PRKN: variants seen among roughly 807,000 people sequenced by gnomAD.
The protein encoded by PRKN is E3 ubiquitin-protein ligase parkin.
Under a neutral mutation model 59.5 loss-of-function variants are expected in PRKN, and 56 were observed. The observed-to-expected ratio is 0.94, with a 90% CI of 0.76 to 1.18. The LOEUF (loss-of-function observed/expected upper bound fraction) is 1.18, where lower values mean the gene tolerates loss of function less well. Among genes scored for constraint, PRKN ranks in the 50% most tolerant of loss-of-function variants. The pLI is 0.00. For synonymous variants in PRKN, 250 were observed against 222.1 expected (o/e 1.13, Z -1.12); for missense variants, 657 against 596.4 (o/e 1.10, Z -1.06).
chr6:162,421,037 G>A (rs540530365), intron 2 of PRKN, among the ~76,000 whole-genome samples: 2 of 152,288 alleles, frequency 1.3e-5, no homozygotes, highest in Admixed American at 1.3e-4. Flanking sequence ...TCCTCCCTGT[G>A]AGCACAGGCT....
intron 7 of PRKN, among the ~76,000 whole-genome samples, chr6:161,691,344 T>G (rs1785785761): frequency 6.6e-6 from 1 of 151,936 alleles, no homozygotes. Context: ...TCACCCGGGT[T>G]TGCCAGGCTT....
chr6:162,703,500 T>C (rs557826369), intron 1 of PRKN, among the ~76,000 whole-genome samples: 1 of 152,354 alleles, frequency 6.6e-6, no homozygotes, highest in African/African-American at 2.4e-5. Context: ...AGTAGAGCTG[T>C]GCAGTTGAAA....
At chr6:161,366,981 C>T (rs1394478045) in intron 10 of PRKN, among the ~76,000 whole-genome samples, 2 of 126,926 alleles carry the variant, frequency 1.6e-5, no homozygotes, top group Non-Finnish European at 3.3e-5. Flanking sequence ...TTTTTTGTTT[C>T]CTTTTTTTTT....
At position 161,363,431 on chromosome 6, in the gene PRKN, G is replaced by C. The variant is rs57906682; in HGVS notation, c.1168-3226C>G. Among the ~76,000 whole-genome samples, 4,146 of 152,230 alleles carry C rather than the reference G, an allele frequency of 0.027. 206 individuals are homozygous for C. Among genetic ancestry groups the C allele is most frequent in the African/African-American group, 0.095 (3,960 of 41,522 alleles). On this transcript the variant is annotated intron_variant, in intron 10 of 11. Coordinates refer to ENST00000366898, the MANE Select transcript of PRKN (RefSeq NM_004562.3). This position sits in a 1 kb window ranked among gnomAD's most constrained non-coding sequence, Gnocchi z 4.1. Reference sequence around the variant, plus strand: ...TTAAAATTAGAAACTCAGTTGATGAGTTACATAACAAATTAGATACAAATG... The same window carrying C: ...TTAAAATTAGAAACTCAGTTGATGACTTACATAACAAATTAGATACAAATG...
At chr6:161,455,544 C>T (rs564560150) in intron 9 of PRKN, among the ~76,000 whole-genome samples, 153 of 152,164 alleles carry the variant, frequency 1.0e-3, no homozygotes, top group Non-Finnish European at 1.7e-3. Flanking sequence ...AAATCACATC[C>T]GGTCCCTGGT....
intron 2 of PRKN, among the ~76,000 whole-genome samples, chr6:162,366,260 T>G (rs1785431927): frequency 6.6e-6 from 1 of 152,208 alleles, no homozygotes; most frequent in African/African-American, 2.4e-5. Flanking sequence ...TTGAAAATCT[T>G]TTTTATTCTT....
chr6:161,599,987 C>T (rs554828308), intron 7 of PRKN, among the ~76,000 whole-genome samples: 57 of 152,230 alleles, frequency 3.7e-4, no homozygotes, highest in African/African-American at 1.2e-3. Context: ...ATCCCGCACA[C>T]GTGAAAACAC....
chr6:161,791,332 G>A (rs1208374239), intron 6 of PRKN, among the ~76,000 whole-genome samples: 2 of 152,190 alleles, frequency 1.3e-5, no homozygotes. Context: ...CATTAAAAAA[G>A]TAGAATATGG....
At chr6:162,402,469 T>A (rs1787843817) in intron 2 of PRKN, among the ~76,000 whole-genome samples, 1 of 151,810 alleles carries the variant, frequency 6.6e-6, no homozygotes, top group South Asian at 2.1e-4. Context: ...AATGCAGAAG[T>A]CTCACTCTTG....
intron 4 of PRKN, among the ~76,000 whole-genome samples, chr6:162,112,638 G>A (rs878862712): frequency 6.6e-6 from 1 of 152,022 alleles, no homozygotes; most frequent in African/African-American, 2.4e-5. Context: ...GTCCTAGGCC[G>A]GGCGCAGTGG....
chr6:162,322,707 C>A (rs1314024864), intron 2 of PRKN, among the ~76,000 whole-genome samples: 1 of 151,966 alleles, frequency 6.6e-6, no homozygotes, highest in Non-Finnish European at 1.5e-5. Flanking sequence ...ACAAATGGTT[C>A]TAGAACAATT....
rs1583119147 is a variant in PRKN at position 161,475,398 on chromosome 6, C to G, written c.1083+73456G>C. Among the ~76,000 whole-genome samples the G allele has an allele frequency of 6.6e-6, 1 of 152,146 alleles. No individual in the cohort carries two copies. The highest frequency in any genetic ancestry group is 1.5e-5 in the Non-Finnish European group (1 of 68,026). On this transcript the variant is annotated intron_variant, in intron 9 of 11. Transcript: ENST00000366898. This position sits in a 1 kb window ranked among gnomAD's most constrained non-coding sequence, Gnocchi z 5.3. ...TCATTCTCATGCATGGTTTATTGTT[C>G]CCAGGTAAACTCAGCAAAAATGTTC...
intron 2 of PRKN, among the ~76,000 whole-genome samples, chr6:162,274,176 T>A (rs192328753): frequency 0.011 from 1,635 of 148,512 alleles, 18 homozygotes; most frequent in South Asian, 0.052. Context: ...TTTATTAATT[T>A]ATTAATGTAT....
chr6:161,603,867 A>G (rs1782187275), intron 7 of PRKN, among the ~76,000 whole-genome samples: 2 of 152,226 alleles, frequency 1.3e-5, no homozygotes, highest in Non-Finnish European at 2.9e-5. Flanking sequence ...CAAGAGAAGG[A>G]GGAAAATGGG....
intron 6 of PRKN, among the ~76,000 whole-genome samples, chr6:161,864,351 C>T (rs1794026985): frequency 6.6e-6 from 1 of 152,164 alleles, no homozygotes. Context: ...TTTCTTTGTT[C>T]ACCCATAAGA....
At chr6:161,608,975 G>A (rs574085289) in intron 7 of PRKN, among the ~76,000 whole-genome samples, 46 of 152,262 alleles carry the variant, frequency 3.0e-4, no homozygotes, top group African/African-American at 8.9e-4. Context: ...GCACATGCCC[G>A]TCAAACATAC....
intron 1 of PRKN, among the ~76,000 whole-genome samples, chr6:162,667,540 G>C (rs959629465): frequency 6.6e-6 from 1 of 152,040 alleles, no homozygotes; most frequent in African/African-American, 2.4e-5. Context: ...TCATTTTACA[G>C]ATAAAACTAT....
intron 7 of PRKN, among the ~76,000 whole-genome samples, chr6:161,733,010 T>C (rs1787787083): frequency 6.6e-6 from 1 of 152,136 alleles, no homozygotes; most frequent in African/African-American, 2.4e-5. Context: ...GCCTTTCTAC[T>C]TCAGAAAATG....
At position 161,785,794 on chromosome 6, in the gene PRKN, A is replaced by G; in HGVS notation, c.849T>C (p.Leu283=). The change falls in exon 7 of 12, where the codon CTT becomes CTC. Residue 283 remains leucine (L), a synonymous_variant. Transcript: ENST00000366898. ...TACCCACACAAGGCAGGGAGTAGCC[A>G]AGTTGAGGGTCGTGAACAAACTGCC... ...NDRQFVHDPQ[L]GYSLPCVAGC... 1 of 1,614,134 alleles carries G rather than the reference A, an allele frequency of 6.2e-7. No individual in the cohort carries two copies. Among genetic ancestry groups the G allele is most frequent in the Admixed American group, 1.7e-5 (1 of 60,024 alleles).
Sources: gnomAD v4.1 joint callset for allele counts (sites outside exome capture counted in the v4.1 genomes callset) on GRCh38, gnomAD v4.1.1 for gene constraint, Gnocchi (gnomAD v3.1) non-coding constraint, MANE v1.5 for transcripts, NCBI Gene and HGNC (gene_info 2026-07-23, HGNC 2026-07-21) for gene names.